The following BCAS3 variants were observed in gnomAD, a reference collection of about 807,000 sequenced individuals.
BCAS3 encodes the protein BCAS3 microtubule associated cell migration factor, also known as BCAS4/BCAS3 fusion.
BCAS3 carries 53 observed loss-of-function variants against 116.1 expected under a neutral mutation model. The ratio of observed to expected loss-of-function variants is 0.46; its 90% confidence interval spans 0.37 to 0.57. The LOEUF is 0.57. Ranked by LOEUF, BCAS3 falls within the 20% of genes least tolerant of loss-of-function variation. The pLI, the probability that BCAS3 is intolerant of heterozygous loss-of-function variation, is 0.00. For synonymous variants in BCAS3, 391 were observed against 408.2 expected (o/e 0.96, Z 0.51); for missense variants, 917 against 1,165.4 (o/e 0.79, Z 3.10).
In BCAS3 at chr17:61,126,179, C is replaced by T. The variant is rs1268202523; in HGVS notation, c.2425+41615C>T. Among the ~76,000 whole-genome samples the T allele has an allele frequency of 6.6e-6, 1 of 152,084 alleles. No homozygotes were observed. The highest frequency in any genetic ancestry group is 1.5e-5 in the Non-Finnish European group (1 of 67,986). On this transcript the variant is annotated intron_variant, in intron 22 of 23. Transcript: ENST00000407086. The surrounding 1 kb of genome is among the most constrained non-coding windows in gnomAD (Gnocchi z 4.6). Reference sequence around the variant, plus strand: ...GAATACAGAAGATCCAAAATACTTCCAAGGGTGAGAATTTTTCCTTGCCCG... The same window carrying T: ...GAATACAGAAGATCCAAAATACTTCTAAGGGTGAGAATTTTTCCTTGCCCG...
intron 14 of BCAS3, among the ~76,000 whole-genome samples, chr17:60,968,343 G>A (rs2061768457): frequency 6.6e-6 from 1 of 152,036 alleles, no homozygotes; most frequent in Non-Finnish European, 1.5e-5. Flanking sequence ...AGCCTCCTGA[G>A]TAGCTAGGAC....
rs2055772969 is a variant in BCAS3 at position 61,326,880 on chromosome 17, A to G, written c.2426-41447A>G. ...GTGATAAAAAGATGGATTGGACACCATCTCTCCCTTTAGGCAACTCAAAAT... is the reference window on the plus strand; with the variant it reads ...GTGATAAAAAGATGGATTGGACACCGTCTCTCCCTTTAGGCAACTCAAAAT... On this transcript the variant is annotated intron_variant, in intron 22 of 23. Coordinates refer to ENST00000407086, the MANE Select transcript of BCAS3 (RefSeq NM_017679.5). The surrounding 1 kb of genome is among the most constrained non-coding windows in gnomAD (Gnocchi z 5.3). Among the ~76,000 whole-genome samples the G allele has an allele frequency of 6.6e-6, 1 of 152,172 alleles. No homozygotes were observed. Among genetic ancestry groups the G allele is most frequent in the Non-Finnish European group, 1.5e-5 (1 of 68,038 alleles).
intron 22 of BCAS3, among the ~76,000 whole-genome samples, chr17:61,166,538 C>T (rs2078514844): frequency 6.6e-6 from 1 of 151,764 alleles, no homozygotes; most frequent in African/African-American, 2.4e-5. Context: ...GCTGGGATTA[C>T]AGCCATGCAC....
intron 9 of BCAS3, among the ~76,000 whole-genome samples, chr17:60,889,053 A>G (rs1331719604): frequency 2.0e-5 from 3 of 152,226 alleles, no homozygotes; most frequent in African/African-American, 4.8e-5. Context: ...ATCAAGTTGG[A>G]GGAAGATAGA....
At chr17:61,182,316 A>G (rs1020192435) in intron 22 of BCAS3, among the ~76,000 whole-genome samples, 14 of 152,186 alleles carry the variant, frequency 9.2e-5, no homozygotes, top group African/African-American at 3.1e-4. Context: ...AGTGTGGACT[A>G]TGAGTTTGTG....
At chr17:61,143,994 T>C (rs867908370) in intron 22 of BCAS3, among the ~76,000 whole-genome samples, 1 of 152,294 alleles carries the variant, frequency 6.6e-6, no homozygotes, top group East Asian at 1.9e-4. Context: ...TTTTCTGAAA[T>C]ACTAAATTCC....
Position 61,017,554 on chromosome 17 carries a change from G to T in BCAS3, c.1637+1653G>T, listed in dbSNP as rs2065545892. 6.6e-6 allele frequency among the ~76,000 whole-genome samples: 1 copy of T among 152,252 alleles called. No homozygotes were observed. The highest frequency in any genetic ancestry group is 1.5e-5 in the Non-Finnish European group (1 of 67,988). On this transcript the variant is annotated intron_variant, in intron 16 of 23. Transcript: ENST00000407086. The surrounding 1 kb of genome is among the most constrained non-coding windows in gnomAD (Gnocchi z 4.7). The stretch of plus-strand genomic sequence containing the variant: ...TCATAAAAGCATATTCTGGTGCTTT[G>T]TTTCTGGTGCGTGTTTATTTAATTT...
Position 61,248,674 on chromosome 17 carries a change from A to G in BCAS3, c.2426-119653A>G, listed in dbSNP as rs138453416. On this transcript the variant is annotated intron_variant, in intron 22 of 23. Coordinates refer to ENST00000407086, the MANE Select transcript of BCAS3 (RefSeq NM_017679.5). This position sits in a 1 kb window ranked among gnomAD's most constrained non-coding sequence, Gnocchi z 4.3. ...GTGGGAATTTAGCCAGCTTTGTGGCAGATGACCAACCCTGATAGCCTGATT... is the reference window on the plus strand; with the variant it reads ...GTGGGAATTTAGCCAGCTTTGTGGCGGATGACCAACCCTGATAGCCTGATT... Among the ~76,000 whole-genome samples the G allele has an allele frequency of 2.9e-4, 44 of 152,338 alleles. 1 individual carries two copies. The East Asian group carries it at 7.5e-3, about 26-fold the overall frequency.
At position 61,214,230 on chromosome 17, in the gene BCAS3, G is replaced by A. The variant is rs1352355384; in HGVS notation, c.2425+129666G>A. Among the ~76,000 whole-genome samples the A allele has an allele frequency of 1.3e-5, 2 of 152,090 alleles. No homozygotes were observed. Among genetic ancestry groups the A allele is most frequent in the Admixed American group, 6.6e-5 (1 of 15,264 alleles). On this transcript the variant is annotated intron_variant, in intron 22 of 23. Transcript: ENST00000407086. The surrounding 1 kb of genome is among the most constrained non-coding windows in gnomAD (Gnocchi z 4.4). ...AAAATACAAAAATTAGCCAGGTGTG[G>A]TGGCAGGCACCTGTAATCCCAGCTA... is the stretch of plus-strand genomic sequence containing the variant.
chr17:60,966,982 A>AT, intron 14 of BCAS3, among the ~76,000 whole-genome samples: 1 of 151,996 alleles, frequency 6.6e-6, no homozygotes, highest in Middle Eastern at 3.2e-3. Context: ...ATCAGTTTAT[A>AT]TTTTTTGTAT....
intron 22 of BCAS3, among the ~76,000 whole-genome samples, chr17:61,206,934 T>C (rs1182083742): frequency 6.6e-6 from 1 of 151,514 alleles, no homozygotes; most frequent in African/African-American, 2.4e-5. Context: ...TGTTTTTTTT[T>C]TTAATTTGAT....
At chr17:60,739,204 A>G (rs964043817) in intron 5 of BCAS3, among the ~76,000 whole-genome samples, 1 of 152,226 alleles carries the variant, frequency 6.6e-6, no homozygotes, top group Non-Finnish European at 1.5e-5. Flanking sequence ...TTTATTTCAC[A>G]TATGCATAAG....
At chr17:61,187,393 T>G (rs989823421) in intron 22 of BCAS3, among the ~76,000 whole-genome samples, 1 of 152,222 alleles carries the variant, frequency 6.6e-6, no homozygotes, top group East Asian at 1.9e-4. Flanking sequence ...AAAGAGAGCA[T>G]GGATATGAGT....
intron 4 of BCAS3, among the ~76,000 whole-genome samples, chr17:60,702,973 T>A (rs753492186): frequency 2.7e-4 from 41 of 152,162 alleles, no homozygotes; most frequent in Non-Finnish European, 5.3e-4. Context: ...AATACTTTTT[T>A]ATCTCATATT....
At chr17:60,767,493 C>T (rs1242981090) in intron 6 of BCAS3, among the ~76,000 whole-genome samples, 1 of 151,698 alleles carries the variant, frequency 6.6e-6, no homozygotes, top group Non-Finnish European at 1.5e-5. Context: ...TACAGGCATA[C>T]ACCACCACTC....
At chr17:60,970,132 T>C (rs1160109869) in intron 14 of BCAS3, among the ~76,000 whole-genome samples, 1 of 152,232 alleles carries the variant, frequency 6.6e-6, no homozygotes, top group East Asian at 1.9e-4. Context: ...TGAATTATTT[T>C]GTTGGTATTG....
rs759286424 is a variant in BCAS3, at chr17:61,074,993, A to G, written c.2103A>G (p.Gly701=). 5.6e-6 allele frequency: 9 copies of G among 1,612,976 alleles called. No homozygotes were observed. The highest frequency in any genetic ancestry group is 7.6e-6 in the Non-Finnish European group (9 of 1,179,150). ...ACAGTTTAGCTTCTGACCATAGTGG[A>G]CAGGAAGATGAAGAATGGCTTTCCC... ...SYDSLASDHS[G]QEDEEWLSQV... is the part of the protein sequence containing the mutation. The change falls in exon 20 of 24, where the codon GGA becomes GGG. Residue 701 remains glycine, a synonymous_variant. Coordinates refer to ENST00000407086, the MANE Select transcript of BCAS3 (RefSeq NM_017679.5).
At chr17:61,223,214 G>C (rs1406186089) in intron 22 of BCAS3, among the ~76,000 whole-genome samples, 4 of 125,508 alleles carry the variant, frequency 3.2e-5, no homozygotes, top group Non-Finnish European at 6.3e-5. Context: ...CTGGAGTGCA[G>C]TGGCGCAGCT....
chr17:61,152,844 A>G lies in BCAS3; in HGVS notation c.2425+68280A>G, dbSNP rs559807125. Among the ~76,000 whole-genome samples, 8 of 152,288 alleles carry G rather than the reference A, an allele frequency of 5.3e-5. No individual in the cohort carries two copies. In the South Asian group the frequency reaches 1.7e-3, roughly 32 times the overall value. On this transcript the variant is annotated intron_variant, in intron 22 of 23. Transcript: ENST00000407086. ...GATGTGCTTACCCCAACTGGGGCAAAGGATCTAAAACAGCCTCCTGGAGAT... is the reference window on the plus strand; with the variant it reads ...GATGTGCTTACCCCAACTGGGGCAAGGGATCTAAAACAGCCTCCTGGAGAT...
Sources: gnomAD v4.1 joint callset for allele counts (sites outside exome capture counted in the v4.1 genomes callset) on GRCh38, gnomAD v4.1.1 for gene constraint, Gnocchi (gnomAD v3.1) non-coding constraint, MANE v1.5 for transcripts, NCBI Gene and HGNC (gene_info 2026-07-23, HGNC 2026-07-21) for gene names.